The following TINAG variants were observed in gnomAD, a reference collection of about 807,000 sequenced individuals.
TINAG encodes tubulointerstitial nephritis antigen.
TINAG carries 83 observed loss-of-function variants against 72.7 expected under a neutral mutation model. That is an observed-to-expected ratio of 1.14 (90% CI 0.96 to 1.37). TINAG has a LOEUF of 1.37. Among genes scored for constraint, TINAG ranks in the 40% most tolerant of loss-of-function variants. The pLI, the probability that TINAG is intolerant of heterozygous loss-of-function variation, is 0.00. For synonymous variants in TINAG, 234 were observed against 189.9 expected (o/e 1.23, Z -1.91); for missense variants, 685 against 576.6 (o/e 1.19, Z -1.93).
intron 6 of TINAG, among the ~76,000 whole-genome samples, chr6:54,348,544 G>T (rs1482802296): frequency 2.0e-5 from 3 of 152,088 alleles, no homozygotes; most frequent in African/African-American, 7.2e-5. Flanking sequence ...GGTTCTTGGT[G>T]AGGGCTCTCT....
intron 3 of TINAG, among the ~76,000 whole-genome samples, chr6:54,322,995 C>T (rs6928234): frequency 6.6e-6 from 1 of 152,176 alleles, no homozygotes; most frequent in Non-Finnish European, 1.5e-5. Context: ...ATGTGGTACA[C>T]CTAAGAATAC....
chr6:54,389,672 A>G, intron 10 of TINAG, 119 bp from the exon 11 acceptor site: 1 of 1,247,346 alleles, frequency 8.0e-7, no homozygotes, highest in Non-Finnish European at 1.1e-6. Context: ...TAAGTTCTTG[A>G]TAATTATAGT....
chr6:54,308,536 C>T lies in TINAG; in HGVS notation c.-15C>T, dbSNP rs778508695. On this transcript the variant is annotated 5_prime_UTR_variant, in exon 1 of 11. Transcript: ENST00000259782. ...GATATAACGGAAAGTGGAAGCTATA[C>T]CTGACTTCCAGAGAATGTGGACCGG... The T allele has an allele frequency of 7.5e-6, 12 of 1,593,178 alleles. No individual in the cohort carries two copies. The highest frequency in any genetic ancestry group is 1.7e-4 in the Middle Eastern group (1 of 5,960).
At chr6:54,354,327 T>G (rs537467083) in intron 8 of TINAG, among the ~76,000 whole-genome samples, 186 bp from the exon 9 acceptor site, 1 of 152,006 alleles carries the variant, frequency 6.6e-6, no homozygotes, top group African/African-American at 2.4e-5. Flanking sequence ...AAAGTTGTTT[T>G]TATAAGATAA....
At chr6:54,387,705 T>C (rs1764134646) in intron 10 of TINAG, among the ~76,000 whole-genome samples, 1 of 152,210 alleles carries the variant, frequency 6.6e-6, no homozygotes, top group African/African-American at 2.4e-5. Flanking sequence ...TCTATGTGAC[T>C]GTATCATATA....
chr6:54,310,666 C>T (rs563066831), intron 1 of TINAG, among the ~76,000 whole-genome samples: 1 of 123,226 alleles, frequency 8.1e-6, no homozygotes, highest in East Asian at 2.1e-4. Flanking sequence ...TTCTTTTTCT[C>T]TCTTTCTCTC....
At chr6:54,372,025 C>T (rs113352791) in intron 9 of TINAG, among the ~76,000 whole-genome samples, 1,766 of 109,644 alleles carry the variant, frequency 0.016, 44 homozygotes, top group African/African-American at 0.057. Flanking sequence ...GAGTTTTACC[C>T]TTGTTGCCCA....
chr6:54,324,519 C>T (rs1354198665), intron 3 of TINAG, among the ~76,000 whole-genome samples: 1 of 152,178 alleles, frequency 6.6e-6, no homozygotes, highest in East Asian at 1.9e-4. Flanking sequence ...GGCCAGCTTA[C>T]ATTCAAAGGC....
chr6:54,334,825 C>T (rs1192550593), intron 4 of TINAG, among the ~76,000 whole-genome samples: 2 of 152,162 alleles, frequency 1.3e-5, no homozygotes, highest in Non-Finnish European at 2.9e-5. Context: ...CTTTTAATCT[C>T]TCAACCAAAG....
At position 54,343,407 on chromosome 6, in the gene TINAG, G is replaced by C. The variant is rs569577335; in HGVS notation, c.748+58G>C. The C allele has an allele frequency of 8.9e-6, 12 of 1,353,104 alleles. No individual in the cohort carries two copies. In the South Asian group the frequency reaches 2.8e-4, roughly 31 times the overall value. 83.8% of individuals were successfully genotyped at this position (1,353,104 alleles called of 1,614,324 possible). A position where few individuals can be genotyped will look rare whatever the true frequency, so the allele number is the denominator to read the frequency against. The stretch of plus-strand genomic sequence containing the variant: ...ACTACTCCTTTTGGCTCTAGAGACT[G>C]AGAGAATAATTGAACAATTTTAACA... On this transcript the variant is annotated intron_variant, in intron 5 of 10. Transcript: ENST00000259782.
At chr6:54,311,064 C>T (rs902298880) in intron 1 of TINAG, among the ~76,000 whole-genome samples, 5 of 151,566 alleles carry the variant, frequency 3.3e-5, no homozygotes, top group Non-Finnish European at 7.4e-5. Context: ...TGGTAACCTC[C>T]TTTTAAAACA....
chr6:54,374,005 A>T (rs944763403), intron 9 of TINAG, among the ~76,000 whole-genome samples: 2 of 152,136 alleles, frequency 1.3e-5, no homozygotes, highest in African/African-American at 4.8e-5. Context: ...TTCTGTCAGC[A>T]TAGTAAATAC....
At chr6:54,375,493 T>A (rs1763753448) in intron 9 of TINAG, among the ~76,000 whole-genome samples, 1 of 152,286 alleles carries the variant, frequency 6.6e-6, no homozygotes, top group African/African-American at 2.4e-5. Context: ...ATGTACCTAT[T>A]CATTCAACTT....
rs1217718379 is a variant in TINAG at position 54,354,621 on chromosome 6, C to T, written c.1235C>T (p.Ala412Val). ...SEKYRKLQTH[A>V]VKLTGWGTLR... ...AAATATCGAAAGCTTCAGACACATG[C>T]AGTCAAACTCACTGGGTAAGGCAAT... Residue 412 changes from alanine (A) to valine (V), a missense_variant, in exon 9 of 11, where the codon GCA (alanine) becomes GTA (valine). Physicochemically the swap from Ala to Val is moderately conservative, Grantham distance 64. Coordinates refer to ENST00000259782, the MANE Select transcript of TINAG (RefSeq NM_014464.4). 6.2e-7 allele frequency: 1 copy of T among 1,606,444 alleles called. No individual in the cohort carries two copies. The highest frequency in any genetic ancestry group is 1.7e-5 in the Admixed American group (1 of 58,552).
At chr6:54,336,579 TA>T (rs1784869954) in intron 4 of TINAG, among the ~76,000 whole-genome samples, 1 of 152,124 alleles carries the variant, frequency 6.6e-6, no homozygotes, top group Admixed American at 6.6e-5. Context: ...TTATAAATAT[TA>T]AAAATATTTT....
At chr6:54,343,021 T>G (rs1562162347) in intron 4 of TINAG, among the ~76,000 whole-genome samples, 1 of 152,174 alleles carries the variant, frequency 6.6e-6, no homozygotes, top group Non-Finnish European at 1.5e-5. Context: ...TCTCATGACC[T>G]TGTATTAGGT....
chr6:54,361,658 T>C (rs562227601), intron 9 of TINAG, among the ~76,000 whole-genome samples: 1 of 151,760 alleles, frequency 6.6e-6, no homozygotes, highest in South Asian at 2.1e-4. Flanking sequence ...CATTTCTCAC[T>C]TTAAATCAAA....
At position 54,387,918 on chromosome 6, in the gene TINAG, T is replaced by G. The variant is rs185506430; in HGVS notation, c.1297-1873T>G. The stretch of plus-strand genomic sequence containing the variant: ...CTGAGGTGTATTTTATTAGCACTAA[T>G]TTTTACAGTGTCTTACTCTTTATAA... On this transcript the variant is annotated intron_variant, in intron 10 of 10. Transcript: ENST00000259782. 3.9e-3 allele frequency among the ~76,000 whole-genome samples: 590 copies of G among 152,278 alleles called. 2 individuals are homozygous for G. Among genetic ancestry groups the G allele is most frequent in the African/African-American group, 0.013 (546 of 41,584 alleles).
At chr6:54,381,725 A>T (rs1047937331) in intron 10 of TINAG, among the ~76,000 whole-genome samples, 1 of 152,146 alleles carries the variant, frequency 6.6e-6, no homozygotes, top group East Asian at 1.9e-4. Context: ...ATAAACTAGG[A>T]TATGTTATTT....
Sources: gnomAD v4.1 joint callset for allele counts (sites outside exome capture counted in the v4.1 genomes callset) on GRCh38, gnomAD v4.1.1 for gene constraint, MANE v1.5 for transcripts, NCBI Gene and HGNC (gene_info 2026-07-23, HGNC 2026-07-21) for gene names.